Variants in DRD3 observed in about 807,000 individuals in gnomAD.
DRD3 encodes the protein D(3) dopamine receptor.
Under a neutral mutation model 36.3 loss-of-function variants are expected in DRD3, and 19 were observed. The ratio of observed to expected loss-of-function variants is 0.52; its 90% CI spans 0.36 to 0.77. The LOEUF is 0.77. DRD3 is among the 30% of genes least tolerant of loss of function. The probability of loss-of-function intolerance (pLI) is 0.00; values close to 1 mark genes in which losing one functional copy is unlikely to be tolerated. For missense variants in DRD3, 465 were observed against 505.3 expected (o/e 0.92, Z 0.77); for synonymous variants, 195 against 203.7 (o/e 0.96, Z 0.36).
chr3:114,132,048 A>G (rs1324575669), intron 5 of DRD3, among the ~76,000 whole-genome samples: 2 of 152,194 alleles, frequency 1.3e-5, no homozygotes, highest in African/African-American at 4.8e-5. Flanking sequence ...CAGCAATCCC[A>G]TTACTGGGTA....
chr3:114,180,416 C>T (rs750288433), upstream of DRD3, among the ~76,000 whole-genome samples: 13 of 151,900 alleles, frequency 8.6e-5, no homozygotes, highest in Non-Finnish European at 1.6e-4. Flanking sequence ...CTGGAGGGTA[C>T]GCCCTAATCC....
At chr3:114,175,882 T>C (rs1251605640) in intron 1 of DRD3, 1 of 152,252 alleles carries the variant, frequency 6.6e-6, no homozygotes, top group Admixed American at 6.5e-5. Flanking sequence ...AAGATTACTC[T>C]TGGCGTCAGT....
chr3:114,147,513 C>G lies in DRD3; in HGVS notation c.428G>C (p.Gly143Ala). The change falls in exon 4 of 7, where the codon GGA becomes GCA. Residue 143 changes from glycine (G) to alanine (A), a missense_variant. Transcript: ENST00000383673. ...GGCCACGCGCCGACAGGAGCTCTGT[C>G]CCGTGCCATGCTGGTAGTGAACGGG... ...VMPVHYQHGTGQSSCRRVALM... is the reference protein window; with the variant it reads ...VMPVHYQHGTAQSSCRRVALM... The G allele has an allele frequency of 6.2e-7, 1 of 1,614,110 alleles. No individual in the cohort carries two copies. Among genetic ancestry groups the G allele is most frequent in the Non-Finnish European group, 8.5e-7 (1 of 1,180,022 alleles).
chr3:114,172,479 C>T (rs924974633), intron 1 of DRD3, among the ~76,000 whole-genome samples: 5 of 152,070 alleles, frequency 3.3e-5, no homozygotes, highest in African/African-American at 1.2e-4. Flanking sequence ...ACAACACGGG[C>T]CAGCAGGAAG....
At chr3:114,137,416 A>G (rs2077483966) in intron 5 of DRD3, among the ~76,000 whole-genome samples, 1 of 152,240 alleles carries the variant, frequency 6.6e-6, no homozygotes, top group Non-Finnish European at 1.5e-5. Context: ...ATACTTTCAT[A>G]TCCTCAGCCT....
chr3:114,146,833 A>C (rs533793501), intron 4 of DRD3, among the ~76,000 whole-genome samples: 1 of 152,110 alleles, frequency 6.6e-6, no homozygotes, highest in Non-Finnish European at 1.5e-5. Flanking sequence ...TTTCAGACAT[A>C]TATATTGTCC....
intron 2 of DRD3, among the ~76,000 whole-genome samples, chr3:114,164,839 C>T (rs1204527557): frequency 5.3e-5 from 8 of 152,208 alleles, no homozygotes; most frequent in Non-Finnish European, 4.4e-5. Flanking sequence ...GCAATCTCCA[C>T]CTCCCGGGTT....
At chr3:114,162,687 C>T (rs2077745222) in intron 2 of DRD3, among the ~76,000 whole-genome samples, 1 of 152,090 alleles carries the variant, frequency 6.6e-6, no homozygotes, top group African/African-American at 2.4e-5. Context: ...AGCACTTTGT[C>T]CAAGGTCACA....
At chr3:114,149,537 A>T (rs2654764) in intron 3 of DRD3, among the ~76,000 whole-genome samples, 138,988 of 152,296 alleles carry the variant, frequency 0.91, 63,811 homozygotes, top group Non-Finnish European at 0.96. Flanking sequence ...GATTTCTGCC[A>T]CGTATAATCC....
intron 1 of DRD3, among the ~76,000 whole-genome samples, chr3:114,197,234 C>T (rs539373054): frequency 6.7e-6 from 1 of 149,298 alleles, no homozygotes; most frequent in East Asian, 2.0e-4. Flanking sequence ...GCCTAAGCAT[C>T]CTGAGTGTCT....
At chr3:114,180,460 G>A (rs1503670), upstream of DRD3, among the ~76,000 whole-genome samples, 78,225 of 151,842 alleles carry the variant, frequency 0.52, 22,988 homozygotes, top group African/African-American at 0.81. Context: ...AAAAGAAGAG[G>A]CACCAGAAAT....
intron 5 of DRD3, among the ~76,000 whole-genome samples, chr3:114,131,643 G>A (rs1053679262): frequency 1.3e-5 from 2 of 152,134 alleles, no homozygotes; most frequent in Admixed American, 6.5e-5. Context: ...CCTACAGAAT[G>A]GGAGAAAATT....
At chr3:114,134,984 C>T (rs923871412) in intron 5 of DRD3, among the ~76,000 whole-genome samples, 2 of 152,090 alleles carry the variant, frequency 1.3e-5, no homozygotes, top group African/African-American at 2.4e-5. Context: ...TGTTGTTAAG[C>T]GTAGTCACCC....
In DRD3 at chr3:114,171,765, C is replaced by G. The variant is rs745800410; in HGVS notation, c.228G>C (p.Leu76Phe). 20 of 1,612,310 alleles carry G rather than the reference C, an allele frequency of 1.2e-5. 1 individual carries two copies. The South Asian group carries it at 2.2e-4, about 18-fold the overall frequency. The change falls in exon 2 of 7, where the codon TTG becomes TTC. Residue 76 changes from leucine to phenylalanine, a missense_variant. Coordinates refer to ENST00000383673, the MANE Select transcript of DRD3 (RefSeq NM_000796.6). ...AGGGCATCACCAAGGTGGCCACCAG[C>G]AAGTCTGCCACAGCCAGGCTCACTA... ...YLVVSLAVADLLVATLVMPWV... is the reference protein window; with the variant it reads ...YLVVSLAVADFLVATLVMPWV...
rs2077493905 is a variant in DRD3, at chr3:114,138,350, A to C, written c.723+1150T>G. On this transcript the variant is annotated intron_variant, in intron 5 of 6. Coordinates refer to ENST00000383673, the MANE Select transcript of DRD3 (RefSeq NM_000796.6). ...ACCTGAGACTGGGTAATTTATAAAG[A>C]AAAAGAAGTTTAATGGATTCACAGT... Among the ~76,000 whole-genome samples, 3 of 152,218 alleles carry C rather than the reference A, an allele frequency of 2.0e-5. No homozygotes were observed. The South Asian group carries it at 6.2e-4, about 32-fold the overall frequency.
intron 2 of DRD3, among the ~76,000 whole-genome samples, chr3:114,162,976 CACAG>C (rs1167977922): frequency 1.3e-5 from 2 of 152,196 alleles, no homozygotes; most frequent in African/African-American, 2.4e-5. Flanking sequence ...GGTGAAAGTA[CACAG>C]ACAGTTTTAT....
chr3:114,158,869 G>A (rs114429969), intron 3 of DRD3, among the ~76,000 whole-genome samples: 306 of 152,278 alleles, frequency 2.0e-3, no homozygotes, highest in African/African-American at 6.5e-3. Context: ...GGGAGGGAGA[G>A]AACTCAGAGC....
upstream of DRD3, among the ~76,000 whole-genome samples, chr3:114,179,977 A>C (rs893485560): frequency 6.6e-6 from 1 of 152,122 alleles, no homozygotes; most frequent in Non-Finnish European, 1.5e-5. Context: ...ACCATCCTTA[A>C]TTTATGGATA....
chr3:114,131,229 G>A lies in DRD3; in HGVS notation c.895C>T (p.Arg299Ter), dbSNP rs748022163. ...TIAPKLSLEVRKLSNGRLSTS... is the reference protein window; with the variant it reads ...TIAPKLSLEV The stretch of plus-strand genomic sequence containing the variant: ...GATAATCTGCCATTGCTGAGTTTTC[G>A]AACTTCTAAGCTGAGCTTGGGCGCT... Residue 299 changes from arginine to a stop codon, truncating the protein, a stop_gained, in exon 6 of 7, where the codon CGA becomes TGA. Coordinates refer to ENST00000383673, the MANE Select transcript of DRD3 (RefSeq NM_000796.6). LOFTEE classifies it high-confidence loss of function. The A allele has an allele frequency of 1.2e-5, 20 of 1,614,082 alleles. No individual in the cohort carries two copies. The African/African-American group carries it at 1.9e-4, about 15-fold the overall frequency.
Sources: gnomAD v4.1 joint callset for allele counts (sites outside exome capture counted in the v4.1 genomes callset) on GRCh38, gnomAD v4.1.1 for gene constraint, MANE v1.5 for transcripts, NCBI Gene and HGNC (gene_info 2026-07-23, HGNC 2026-07-21) for gene names.